The following BBS9 variants were observed in gnomAD, a reference collection of about 807,000 sequenced individuals.
BBS9 encodes the protein protein PTHB1.
Under a neutral mutation model 117.7 loss-of-function variants are expected in BBS9, and 89 were observed. The observed-to-expected ratio is 0.76, with a 90% CI of 0.64 to 0.90. BBS9 has a LOEUF of 0.90. Ranked by LOEUF, BBS9 falls within the 40% of genes least tolerant of loss-of-function variation. The probability of loss-of-function intolerance (pLI) is 0.00; values close to 1 mark genes in which losing one functional copy is unlikely to be tolerated. For synonymous variants in BBS9, 379 were observed against 370.9 expected, an observed-to-expected ratio of 1.02 and a Z score of -0.25; for missense variants, 982 against 1,042.2, an observed-to-expected ratio of 0.94 and a Z score of 0.80.
intron 7 of BBS9, 140 bp downstream of exon 7, chr7:33,264,514 C>A: frequency 2.0e-6 from 1 of 508,230 alleles, no homozygotes; most frequent in Non-Finnish European, 3.4e-6. Flanking sequence ...ATATTAATGA[C>A]CTAAGAATTG....
chr7:33,314,306 A>G, intron 9 of BBS9: 1 of 429,658 alleles, frequency 2.3e-6, no homozygotes, highest in South Asian at 1.8e-5. Context: ...CACTTTAGAA[A>G]AATGAAGTTT....
At chr7:33,488,371 A>C (rs559675912) in intron 19 of BBS9, among the ~76,000 whole-genome samples, 2 of 152,194 alleles carry the variant, frequency 1.3e-5, no homozygotes, top group East Asian at 3.9e-4. Flanking sequence ...TTTTCCTCAT[A>C]AAAGGGGGAC....
rs145118499 is a variant in BBS9, at chr7:33,408,682, A to T, written c.2115+20538A>T. ...AATGTGGTGATGAACATATGGGTGCATGTCTTTTTGGTAGAACAATTTATT... is the reference window on the plus strand; with the variant it reads ...AATGTGGTGATGAACATATGGGTGCTTGTCTTTTTGGTAGAACAATTTATT... On this transcript the variant is annotated intron_variant, in intron 19 of 22. Transcript: ENST00000242067. Among the ~76,000 whole-genome samples, 4 of 152,250 alleles carry T rather than the reference A, an allele frequency of 2.6e-5. No individual in the cohort carries two copies. In the East Asian group the frequency reaches 5.8e-4, roughly 22 times the overall value.
intron 5 of BBS9, among the ~76,000 whole-genome samples, chr7:33,225,866 A>G (rs187708899): frequency 1.1e-4 from 16 of 152,228 alleles, no homozygotes; most frequent in Admixed American, 6.5e-4. Flanking sequence ...GTTCATATTG[A>G]TACTCCCAAT....
chr7:33,601,405 T>C (rs1209008278), intron 21 of BBS9, among the ~76,000 whole-genome samples: 1 of 152,188 alleles, frequency 6.6e-6, no homozygotes, highest in African/African-American at 2.4e-5. Context: ...CTGGAGTCCA[T>C]AGAACCCAGG....
intron 21 of BBS9, among the ~76,000 whole-genome samples, chr7:33,555,160 A>T (rs1855102003): frequency 6.6e-6 from 1 of 152,218 alleles, no homozygotes; most frequent in Admixed American, 6.5e-5. Flanking sequence ...ATGAAAGAGC[A>T]CTGCCCCATC....
chr7:33,331,500 T>C (rs751155700), intron 9 of BBS9, among the ~76,000 whole-genome samples: 2 of 152,058 alleles, frequency 1.3e-5, no homozygotes, highest in Non-Finnish European at 2.9e-5. Flanking sequence ...AGTATGATTG[T>C]ATGCCTAGAA....
intron 21 of BBS9, among the ~76,000 whole-genome samples, chr7:33,635,078 G>A (rs1256602150): frequency 6.6e-6 from 1 of 152,182 alleles, no homozygotes; most frequent in Non-Finnish European, 1.5e-5. Context: ...CTCAGAATTA[G>A]ATGCTGCGAT....
chr7:33,462,335 T>C (rs2128936040), intron 19 of BBS9, among the ~76,000 whole-genome samples: 1 of 152,210 alleles, frequency 6.6e-6, no homozygotes, highest in East Asian at 1.9e-4. Context: ...ATTGAGGAAA[T>C]ATGTAAAGTT....
intron 21 of BBS9, among the ~76,000 whole-genome samples, chr7:33,598,706 A>G (rs1243312922): frequency 1.3e-4 from 20 of 152,338 alleles, no homozygotes; most frequent in East Asian, 5.8e-4. Flanking sequence ...AACAAGAAAG[A>G]ACATTTGTCA....
chr7:33,283,378 A>G (rs1234495897), intron 9 of BBS9, among the ~76,000 whole-genome samples: 1 of 151,910 alleles, frequency 6.6e-6, no homozygotes, highest in East Asian at 1.9e-4. Context: ...AAGAATTAAA[A>G]CATTACTCCT....
At chr7:33,457,435 C>G (rs1838806506) in intron 19 of BBS9, among the ~76,000 whole-genome samples, 1 of 152,106 alleles carries the variant, frequency 6.6e-6, no homozygotes, top group Non-Finnish European at 1.5e-5. Flanking sequence ...AAGACTTTCT[C>G]TGTACCAAAG....
chr7:33,298,165 G>A (rs1805652403), intron 9 of BBS9, among the ~76,000 whole-genome samples: 1 of 151,758 alleles, frequency 6.6e-6, no homozygotes, highest in African/African-American at 2.4e-5. Flanking sequence ...TTATTTGCCA[G>A]GTTCAACATT....
At chr7:33,416,389 T>C (rs1832022596) in intron 19 of BBS9, among the ~76,000 whole-genome samples, 1 of 151,634 alleles carries the variant, frequency 6.6e-6, no homozygotes, top group African/African-American at 2.4e-5. Context: ...TTGTAGTTTT[T>C]GTAAAACTAT....
chr7:33,216,633 G>A (rs570344783), intron 5 of BBS9, among the ~76,000 whole-genome samples: 1 of 152,260 alleles, frequency 6.6e-6, no homozygotes, highest in Admixed American at 6.5e-5. Flanking sequence ...GTTTACAGTG[G>A]TTGGCTTTGT....
At chr7:33,302,235 C>A (rs1203284875) in intron 9 of BBS9, among the ~76,000 whole-genome samples, 1 of 152,090 alleles carries the variant, frequency 6.6e-6, no homozygotes, top group African/African-American at 2.4e-5. Flanking sequence ...GTTGTCTCTT[C>A]ACTTGGTTGA....
At chr7:33,593,056 A>G (rs2129182105) in intron 21 of BBS9, among the ~76,000 whole-genome samples, 1 of 152,280 alleles carries the variant, frequency 6.6e-6, no homozygotes, top group Middle Eastern at 3.4e-3. Flanking sequence ...TTGAAATGGA[A>G]ATATCTTAAA....
intron 15 of BBS9, among the ~76,000 whole-genome samples, chr7:33,353,901 A>G (rs900722718): frequency 3.9e-5 from 6 of 152,066 alleles, no homozygotes; most frequent in Non-Finnish European, 7.4e-5. Flanking sequence ...TTAAAAAATA[A>G]CCTGATATTA....
chr7:33,619,157 A>G (rs1323372878), intron 21 of BBS9, among the ~76,000 whole-genome samples: 1 of 152,164 alleles, frequency 6.6e-6, no homozygotes, highest in African/African-American at 2.4e-5. Flanking sequence ...AAGGAATGAA[A>G]AAAGATATTT....
Sources: gnomAD v4.1 joint callset for allele counts (sites outside exome capture counted in the v4.1 genomes callset) on GRCh38, gnomAD v4.1.1 for gene constraint, MANE v1.5 for transcripts, NCBI Gene and HGNC (gene_info 2026-07-23, HGNC 2026-07-21) for gene names.